The following FRA10AC1 variants were observed in gnomAD, a reference collection of about 807,000 sequenced individuals.
The protein encoded by FRA10AC1 is FRA10A associated CGG repeat 1, also known as protein FRA10AC1.
In FRA10AC1, 43 loss-of-function variants were observed where a neutral mutation model predicts 56.5. That is an observed-to-expected ratio of 0.76 (90% CI 0.60 to 0.98). The LOEUF (loss-of-function observed/expected upper bound fraction) is 0.98. Ranked by LOEUF, FRA10AC1 falls within the 50% of genes least tolerant of loss-of-function variation. The pLI is 0.00. For synonymous variants in FRA10AC1, 112 were observed against 110.5 expected, an observed-to-expected ratio of 1.01 and a Z score of -0.09; for missense variants, 346 against 351.8, an observed-to-expected ratio of 0.98 and a Z score of 0.13.
chr10:93,682,647 A>T (rs1263817388), intron 10 of FRA10AC1, among the ~76,000 whole-genome samples: 2 of 151,556 alleles, frequency 1.3e-5, no homozygotes, highest in African/African-American at 4.8e-5. Context: ...CAAAAACTTT[A>T]AAAAAAAATT....
chr10:93,693,154 G>A (rs1434645849), intron 5 of FRA10AC1, among the ~76,000 whole-genome samples: 10 of 150,842 alleles, frequency 6.6e-5, no homozygotes, highest in African/African-American at 2.4e-4. Flanking sequence ...ACTGAGTAAA[G>A]GAGGAAGAAA....
rs1297846022 is a variant in FRA10AC1, at chr10:93,668,370, T to C, written c.*1456A>G. The C allele has an allele frequency of 6.6e-6, 1 of 152,172 alleles. No individual in the cohort carries two copies. Among genetic ancestry groups the C allele is most frequent in the Admixed American group, 6.6e-5 (1 of 15,260 alleles). 9.4% of individuals were successfully genotyped at this position (152,172 alleles called of 1,614,324 possible). On this transcript the variant is annotated 3_prime_UTR_variant, in exon 14 of 14. Transcript: ENST00000359204. ...ATAAATCCTTTTGAAAATCTGATTTTTGAAAATTTGAAATTTATGGACTTT... is the reference window on the plus strand; with the variant it reads ...ATAAATCCTTTTGAAAATCTGATTTCTGAAAATTTGAAATTTATGGACTTT...
intron 11 of FRA10AC1, among the ~76,000 whole-genome samples, chr10:93,680,212 G>A (rs1055982281): frequency 6.6e-6 from 1 of 152,112 alleles, no homozygotes; most frequent in Non-Finnish European, 1.5e-5. Context: ...ATAATACAAT[G>A]AGGGCAACAA....
At chr10:93,669,968 A>C in intron 13 of FRA10AC1, 100 bp from the exon 14 acceptor site, 1 of 619,884 alleles carries the variant, frequency 1.6e-6, no homozygotes, top group South Asian at 2.2e-5. Context: ...TTAAGTCAAC[A>C]TATTGGCTGA....
chr10:93,692,573 T>C, intron 6 of FRA10AC1, 73 bp downstream of exon 6: 1 of 968,818 alleles, frequency 1.0e-6, no homozygotes, highest in Non-Finnish European at 1.6e-6. Context: ...ACACCTTGAC[T>C]AAAAAACCAC....
Position 93,698,405 on chromosome 10 carries a change from T to G in FRA10AC1, c.78-9A>C. ...AGTCATCTTCAACTGTCCTGATATA[T>G]TAAGAAGAAAATAAGAGTTCACTTT... On this transcript the variant is annotated splice_polypyrimidine_tract_variant and intron_variant, in intron 2 of 13. Transcript: ENST00000359204. The G allele has an allele frequency of 6.7e-7, 1 of 1,490,088 alleles. No individual in the cohort carries two copies. Among genetic ancestry groups the G allele is most frequent in the East Asian group, 2.3e-5 (1 of 44,106 alleles). 92.3% of individuals were successfully genotyped at this position (1,490,088 alleles called of 1,614,324 possible).
intron 7 of FRA10AC1, among the ~76,000 whole-genome samples, chr10:93,689,314 T>G (rs922207825): frequency 2.6e-5 from 4 of 152,122 alleles, no homozygotes; most frequent in Admixed American, 1.3e-4. Context: ...TTTGGCAATT[T>G]TGTATTTTAA....
intron 11 of FRA10AC1, among the ~76,000 whole-genome samples, chr10:93,681,227 G>A (rs369563356): frequency 1.3e-5 from 2 of 152,152 alleles, no homozygotes; most frequent in African/African-American, 4.8e-5. Context: ...GACAAAGCCA[G>A]GAATTAGAAA....
rs1331901604 is a variant in FRA10AC1, at chr10:93,698,483, AAAGAATGT to A, written c.78-95_78-88del. 6 of 722,476 alleles carry A rather than the reference AAAGAATGT, an allele frequency of 8.3e-6. No individual in the cohort carries two copies. The East Asian group carries it at 1.6e-4, about 20-fold the overall frequency. 44.8% of individuals were successfully genotyped at this position (722,476 alleles called of 1,614,324 possible). A position where few individuals can be genotyped will look rare whatever the true frequency, so the allele number is the denominator to read the frequency against. ...TATTTTCATAACTGGAATATACTTTAAAGAATGTAAGTCTTAACTTTAAGAAGACTCAC... is the reference window on the plus strand; with the variant it reads ...TATTTTCATAACTGGAATATACTTTAAAGTCTTAACTTTAAGAAGACTCAC... On this transcript the variant is annotated intron_variant, in intron 2 of 13. Coordinates refer to ENST00000359204, the MANE Select transcript of FRA10AC1 (RefSeq NM_145246.5).
At chr10:93,687,275 AC>A (rs2059046161) in intron 8 of FRA10AC1, 128 bp downstream of exon 8, 2 of 673,266 alleles carry the variant, frequency 3.0e-6, no homozygotes, top group Non-Finnish European at 2.4e-6. Flanking sequence ...TCATGAATAC[AC>A]CTTCTCTAAT....
intron 8 of FRA10AC1, among the ~76,000 whole-genome samples, chr10:93,686,352 C>G (rs1003839000): frequency 6.6e-6 from 1 of 151,756 alleles, no homozygotes; most frequent in Admixed American, 6.6e-5. Flanking sequence ...ATCACATTAG[C>G]AGCTTTCTTT....
intron 13 of FRA10AC1, 76 bp downstream of exon 13, chr10:93,670,694 C>A: frequency 1.1e-6 from 1 of 919,314 alleles, no homozygotes; most frequent in South Asian, 1.5e-5. Context: ...TTGTATTTTT[C>A]CATTAATAAA....
intron 11 of FRA10AC1, among the ~76,000 whole-genome samples, chr10:93,678,409 G>A (rs934889759): frequency 7.9e-5 from 12 of 151,922 alleles, no homozygotes; most frequent in South Asian, 4.1e-4. Flanking sequence ...TTTCTAAGAC[G>A]GTAACCTAAA....
At chr10:93,685,956 G>C (rs2059019844) in intron 8 of FRA10AC1, among the ~76,000 whole-genome samples, 1 of 151,596 alleles carries the variant, frequency 6.6e-6, no homozygotes, top group Non-Finnish European at 1.5e-5. Flanking sequence ...AGAATAACTT[G>C]ACACTATTAT....
At chr10:93,679,874 A>G (rs1178269721) in intron 11 of FRA10AC1, among the ~76,000 whole-genome samples, 2 of 152,218 alleles carry the variant, frequency 1.3e-5, no homozygotes, top group East Asian at 3.9e-4. Flanking sequence ...CTCTGGGGGT[A>G]AAATTCACAG....
At chr10:93,678,657 T>C (rs12242785) in intron 11 of FRA10AC1, among the ~76,000 whole-genome samples, 2,544 of 152,118 alleles carry the variant, frequency 0.017, 63 homozygotes, top group African/African-American at 0.059. Context: ...AGCAAGACCC[T>C]GTCTCTGCAA....
rs2058730975 is a variant in FRA10AC1 at position 93,669,714 on chromosome 10, A to C, written c.*112T>G. 1.4e-6 allele frequency: 1 copy of C among 712,992 alleles called. No individual in the cohort carries two copies. The highest frequency in any genetic ancestry group is 3.1e-5 in the Admixed American group (1 of 32,358). The allele number at this position is 712,992 out of a possible 1,614,324, so 44.2% of individuals were successfully genotyped here. On this transcript the variant is annotated 3_prime_UTR_variant, in exon 14 of 14. Transcript: ENST00000359204. ...ACCTGGATTTTTATTTCCAAAGACAAACCACACAAGCTGTAACTTGCAGAT... is the reference window on the plus strand; with the variant it reads ...ACCTGGATTTTTATTTCCAAAGACACACCACACAAGCTGTAACTTGCAGAT...
Position 93,692,683 on chromosome 10 carries a change from A to T in FRA10AC1, c.343T>A (p.Phe115Ile), listed in dbSNP as rs1335915238. The T allele has an allele frequency of 6.3e-7, 1 of 1,599,074 alleles. No individual in the cohort carries two copies. Among genetic ancestry groups the T allele is most frequent in the Non-Finnish European group, 8.5e-7 (1 of 1,173,942 alleles). ...ATTTCGTCCTCCTCATTCCATAGGA[A>T]TCTATGATTTTCTCGTATAACATCC... ...DLDVIRENHR[F>I]LWNEEDEMDM... The change falls in exon 6 of 14, where the codon TTC becomes ATC. Residue 115 changes from phenylalanine to isoleucine, a missense_variant. By Grantham distance (21) the Phe-to-Ile change is conservative (BLOSUM62 0). Coordinates refer to ENST00000359204, the MANE Select transcript of FRA10AC1 (RefSeq NM_145246.5).
At chr10:93,679,302 TAGCAATG>T (rs1488528022) in intron 11 of FRA10AC1, among the ~76,000 whole-genome samples, 1 of 152,184 alleles carries the variant, frequency 6.6e-6, no homozygotes, top group African/African-American at 2.4e-5. Context: ...GCTGGGGATA[TAGCAATG>T]AACAAAGCAG....
Sources: allele counts gnomAD v4.1 joint callset (sites outside exome capture counted in the v4.1 genomes callset), GRCh38; gene constraint gnomAD v4.1.1; transcripts MANE v1.5; gene names NCBI Gene and HGNC (gene_info 2026-07-23, HGNC 2026-07-21).